Variants in ACMSD observed in about 807,000 individuals in gnomAD.
ACMSD encodes the protein aminocarboxymuconate semialdehyde decarboxylase, also known as 2-amino-3-carboxymuconate-6-semialdehyde decarboxylase.
In ACMSD, 37 loss-of-function variants were observed where a neutral mutation model predicts 45.9. The observed-to-expected ratio is 0.81, with a 90% CI of 0.62 to 1.06. The LOEUF is 1.06. Among genes scored for constraint, ACMSD ranks in the 50% least tolerant of loss-of-function variants. ACMSD has a pLI of 0.00. For missense variants in ACMSD, 434 were observed against 420.9 expected (o/e 1.03, Z -0.27); for synonymous variants, 138 against 148.8 (o/e 0.93, Z 0.53).
intron 4 of ACMSD, 86 bp downstream of exon 4, chr2:134,862,104 C>A: frequency 7.2e-7 from 1 of 1,394,340 alleles, no homozygotes; most frequent in Non-Finnish European, 1.0e-6. Context: ...CAAGTTTGGA[C>A]ACCAGTACCA....
In ACMSD at chr2:134,853,074, A is replaced by G. The variant is rs375088136; in HGVS notation, c.103-6187A>G. On this transcript the variant is annotated intron_variant, in intron 2 of 9. Transcript: ENST00000356140. ...GCAACTCAGGAGGCCGAGGTGGGAG[A>G]ATCACTTGAACCCAGGAGGCGGAGA... Among the ~76,000 whole-genome samples, 16 of 151,702 alleles carry G rather than the reference A, an allele frequency of 1.1e-4. No homozygotes were observed. In the East Asian group the frequency reaches 2.9e-3, roughly 28 times the overall value.
chr2:134,862,972 G>T, intron 4 of ACMSD: 1 of 985,466 alleles, frequency 1.0e-6, no homozygotes, highest in Non-Finnish European at 1.2e-6. Flanking sequence ...CAGTGAGCCA[G>T]CCTGGCGGCC....
chr2:134,849,328 A>T (rs938685038), intron 2 of ACMSD, among the ~76,000 whole-genome samples: 5 of 152,066 alleles, frequency 3.3e-5, no homozygotes, highest in Admixed American at 6.6e-5. Flanking sequence ...AGAGTAACAC[A>T]CTCCCTCTCT....
At chr2:134,885,324 T>C (rs1283394162) in intron 8 of ACMSD, among the ~76,000 whole-genome samples, 10 of 111,090 alleles carry the variant, frequency 9.0e-5, no homozygotes, top group Non-Finnish European at 1.5e-4. Flanking sequence ...TATATAAATA[T>C]ATATGTAAAT....
rs150999456 is a variant in ACMSD, at chr2:134,894,045, G to T, written c.850-4296G>T. 1.2e-4 allele frequency among the ~76,000 whole-genome samples: 19 copies of T among 152,162 alleles called. No individual in the cohort carries two copies. The East Asian group carries it at 3.3e-3, about 26-fold the overall frequency. On this transcript the variant is annotated intron_variant, in intron 8 of 9. Coordinates refer to ENST00000356140, the MANE Select transcript of ACMSD (RefSeq NM_138326.3). ...GAAAGACCTTAATTCGGTGGCCTAG[G>T]ACTTGGCCTTGAGAGCTAGAAAATG...
chr2:134,838,875 C>T (rs540832829), intron 1 of ACMSD, 136 bp downstream of exon 1: 2 of 537,284 alleles, frequency 3.7e-6, no homozygotes, highest in African/African-American at 3.9e-5. Flanking sequence ...TTTGGTAGTT[C>T]TGATTTTCTA....
intron 2 of ACMSD, among the ~76,000 whole-genome samples, chr2:134,846,617 G>A (rs777191581): frequency 1.4e-4 from 22 of 152,066 alleles, no homozygotes; most frequent in Non-Finnish European, 3.1e-4. Flanking sequence ...ATGTTGTCCA[G>A]GCTGACCTCG....
intron 2 of ACMSD, among the ~76,000 whole-genome samples, chr2:134,856,146 G>A (rs927262164): frequency 6.6e-6 from 1 of 152,268 alleles, no homozygotes; most frequent in Non-Finnish European, 1.5e-5. Context: ...ATTTCATGCT[G>A]ACATGATCCC....
At chr2:134,850,851 G>A (rs1687307169) in intron 2 of ACMSD, among the ~76,000 whole-genome samples, 1 of 152,118 alleles carries the variant, frequency 6.6e-6, no homozygotes, top group African/African-American at 2.4e-5. Context: ...GGTGTATCAA[G>A]TGACGCTGAG....
At chr2:134,848,070 T>G (rs536655538) in intron 2 of ACMSD, among the ~76,000 whole-genome samples, 2 of 152,130 alleles carry the variant, frequency 1.3e-5, no homozygotes, top group Non-Finnish European at 2.9e-5. Context: ...AGGCAGGTCT[T>G]GAACTCCCAA....
intron 8 of ACMSD, chr2:134,873,107 G>A (rs1428205741): frequency 6.0e-6 from 1 of 165,942 alleles, no homozygotes; most frequent in African/African-American, 2.4e-5. Context: ...TGAAAGTGTG[G>A]AAAATGCATA....
At chr2:134,838,882 T>C in intron 1 of ACMSD, 143 bp downstream of exon 1, 1 of 527,512 alleles carries the variant, frequency 1.9e-6, no homozygotes, top group South Asian at 4.0e-5. Flanking sequence ...GTTCTGATTT[T>C]CTAGCTTTTA....
At chr2:134,898,821 T>G (rs1690336449) in intron 9 of ACMSD, among the ~76,000 whole-genome samples, 1 of 152,182 alleles carries the variant, frequency 6.6e-6, no homozygotes, top group Non-Finnish European at 1.5e-5. Context: ...ACTAAAGTCT[T>G]GATTAAAAGG....
chr2:134,843,123 G>C (rs1686881913), intron 1 of ACMSD, among the ~76,000 whole-genome samples: 1 of 152,100 alleles, frequency 6.6e-6, no homozygotes, highest in South Asian at 2.1e-4. Flanking sequence ...ACTGATTAAG[G>C]TCATATTCCA....
In ACMSD at chr2:134,844,016, C is replaced by G. The variant is rs189374924; in HGVS notation, c.58-1217C>G. On this transcript the variant is annotated intron_variant, in intron 1 of 9. Coordinates refer to ENST00000356140, the MANE Select transcript of ACMSD (RefSeq NM_138326.3). Reference sequence around the variant, plus strand: ...CTCCCAAGACTCTGCTCCACATGGGCTGGAACTAACCTTCACTTTTATTTT... The same window carrying G: ...CTCCCAAGACTCTGCTCCACATGGGGTGGAACTAACCTTCACTTTTATTTT... Among the ~76,000 whole-genome samples the G allele has an allele frequency of 3.3e-5, 5 of 152,378 alleles. No individual in the cohort carries two copies. The East Asian group carries it at 9.6e-4, about 29-fold the overall frequency.
In ACMSD at chr2:134,898,347, G is replaced by C; in HGVS notation, c.856G>C (p.Val286Leu). The change falls in exon 9 of 10, where the codon GTC becomes CTC. Residue 286 changes from valine (V) to leucine (L), a missense_variant. By Grantham distance (32) the Val-to-Leu change is conservative. Coordinates refer to ENST00000356140, the MANE Select transcript of ACMSD (RefSeq NM_138326.3). The part of the protein sequence containing the change: ...LLTDVIGKDK[V>L]ILGTDYPFPL... ...TATATATTTTGTTTTTTAGGATAAAGTCATTTTGGGAACCGATTACCCCTT... is the reference window on the plus strand; with the variant it reads ...TATATATTTTGTTTTTTAGGATAAACTCATTTTGGGAACCGATTACCCCTT... 1 of 1,583,802 alleles carries C rather than the reference G, an allele frequency of 6.3e-7. No homozygotes were observed.
rs559044226 is a variant in ACMSD at position 134,870,986 on chromosome 2, T to C, written c.602T>C (p.Ile201Thr). The change falls in exon 7 of 10, where the codon ATA becomes ACA. Residue 201 changes from isoleucine (I) to threonine (T), a missense_variant. Physicochemically the swap from Ile to Thr is moderately conservative, Grantham distance 89. Coordinates refer to ENST00000356140, the MANE Select transcript of ACMSD (RefSeq NM_138326.3). The stretch of plus-strand genomic sequence containing the variant: ...TCAGGAATGCCAGCAGAGACCACCA[T>C]AGCCATTTGCTCCATGATCATGGGT... ...WLVGMPAETT[I>T]AICSMIMGGV... 31 of 1,614,092 alleles carry C rather than the reference T, an allele frequency of 1.9e-5. No homozygotes were observed. Among genetic ancestry groups the C allele is most frequent in the East Asian group, 1.6e-4 (7 of 44,874 alleles).
At chr2:134,870,836 C>T (rs79401460) in intron 6 of ACMSD, 129 bp from the exon 7 acceptor site, 40,878 of 709,668 alleles carry the variant, frequency 0.058, 1,668 homozygotes, top group East Asian at 0.14. Context: ...CTATATAATA[C>T]AGCCAAACTA....
chr2:134,872,250 C>T (rs1216989168), intron 7 of ACMSD, among the ~76,000 whole-genome samples: 1 of 152,164 alleles, frequency 6.6e-6, no homozygotes. Flanking sequence ...AGCCATTGTG[C>T]CTGGCCTGTC....
Sources: allele counts gnomAD v4.1 joint callset (sites outside exome capture counted in the v4.1 genomes callset), GRCh38; gene constraint gnomAD v4.1.1; transcripts MANE v1.5; gene names NCBI Gene and HGNC (gene_info 2026-07-23, HGNC 2026-07-21).